TMEM67: variants seen among roughly 807,000 people sequenced by gnomAD.
The protein encoded by TMEM67 is meckelin.
TMEM67 carries 124 observed loss-of-function variants against 136.6 expected under a neutral mutation model. The observed-to-expected ratio is 0.91, with a 90% CI of 0.78 to 1.05. The LOEUF is 1.05. Ranked by LOEUF, TMEM67 falls within the 50% of genes least tolerant of loss-of-function variation. The probability of loss-of-function intolerance (pLI) is 0.00; values close to 1 mark genes in which losing one functional copy is unlikely to be tolerated. For missense variants in TMEM67, 1,107 were observed against 1,178.4 expected (o/e 0.94, Z 0.89); for synonymous variants, 364 against 390.5 (o/e 0.93, Z 0.80).
At position 93,809,104 on chromosome 8, in the gene TMEM67, G is replaced by A. The variant is rs1471491528; in HGVS notation, c.2604G>A (p.Glu868=). 7 of 1,611,708 alleles carry A rather than the reference G, an allele frequency of 4.3e-6. No individual in the cohort carries two copies. The highest frequency in any genetic ancestry group is 5.9e-6 in the Non-Finnish European group (7 of 1,178,414). Residue 868 remains glutamate, a synonymous_variant, in exon 25 of 28, where the codon GAG becomes GAA. Coordinates refer to ENST00000453321, the MANE Select transcript of TMEM67 (RefSeq NM_153704.6). ...RLLSSSASTF[E]QSIKAYHMMN... Reference sequence around the variant, plus strand: ...TGAGTTCATCAGCAAGTACTTTTGAGCAGAGTATAAAAGCATATCATATGA... The same window carrying A: ...TGAGTTCATCAGCAAGTACTTTTGAACAGAGTATAAAAGCATATCATATGA...
At chr8:93,797,836 G>C (rs1814689713) in intron 20 of TMEM67, among the ~76,000 whole-genome samples, 1 of 152,178 alleles carries the variant, frequency 6.6e-6, no homozygotes, top group African/African-American at 2.4e-5. Flanking sequence ...TACAAAATTA[G>C]CTGGGCATGG....
Position 93,816,431 on chromosome 8 carries a change from G to C in TMEM67, c.2967G>C (p.Val989=), listed in dbSNP as rs764991139. ...GQKNLASKTL[V]DQRFLI ...AGAATTTGGCATCCAAAACATTGGT[G>C]GATCAAAGATTTTTGATTTAACTTC... is the stretch of plus-strand genomic sequence containing the variant. The change falls in exon 28 of 28, where the codon GTG becomes GTC. Residue 989 remains valine, a synonymous_variant. Coordinates refer to ENST00000453321, the MANE Select transcript of TMEM67 (RefSeq NM_153704.6). 6.3e-7 allele frequency: 1 copy of C among 1,594,442 alleles called. No homozygotes were observed. The highest frequency in any genetic ancestry group is 8.6e-7 in the Non-Finnish European group (1 of 1,164,226).
intron 6 of TMEM67, among the ~76,000 whole-genome samples, chr8:93,768,605 G>A (rs1813187933): frequency 6.6e-6 from 1 of 151,866 alleles, no homozygotes; most frequent in Admixed American, 6.6e-5. Flanking sequence ...ACAAGACTCT[G>A]TCTCAAAAAA....
At chr8:93,779,348 G>A (rs199918435) in intron 7 of TMEM67, among the ~76,000 whole-genome samples, 20 of 152,068 alleles carry the variant, frequency 1.3e-4, no homozygotes, top group African/African-American at 4.1e-4. Context: ...CTTCTGAAGC[G>A]TACTTCTGTC....
In TMEM67 at chr8:93,816,899, TGAAA is replaced by T. The variant is rs1808928696; in HGVS notation, c.*450_*453del. On this transcript the variant is annotated 3_prime_UTR_variant, in exon 28 of 28. Transcript: ENST00000453321. Reference sequence around the variant, plus strand: ...TGTGTGCTTATGGTTAAATAAATGTTGAAAGATATTTTCAAGTTTACTTAGAAAT... The same window carrying T: ...TGTGTGCTTATGGTTAAATAAATGTTGATATTTTCAAGTTTACTTAGAAAT... 1 of 152,514 alleles carries T rather than the reference TGAAA, an allele frequency of 6.6e-6. No homozygotes were observed. Among genetic ancestry groups the T allele is most frequent in the Non-Finnish European group, 1.5e-5 (1 of 68,230 alleles). 9.4% of individuals were successfully genotyped at this position (152,514 alleles called of 1,614,324 possible). A position where few individuals can be genotyped will look rare whatever the true frequency, so the allele number is the denominator to read the frequency against.
chr8:93,797,031 T>C (rs780417673), intron 18 of TMEM67, 103 bp from the exon 19 acceptor site: 24 of 739,768 alleles, frequency 3.2e-5, no homozygotes, highest in Non-Finnish European at 5.8e-5. Flanking sequence ...TAAAATTATA[T>C]GTTCTTGTGA....
At chr8:93,762,219 G>A (rs1001424993) in intron 3 of TMEM67, among the ~76,000 whole-genome samples, 7 of 151,958 alleles carry the variant, frequency 4.6e-5, no homozygotes, top group African/African-American at 7.3e-5. Context: ...ACGCCACTGT[G>A]CTCCAGCCTG....
At chr8:93,808,621 C>G (rs1439028864) in intron 23 of TMEM67, among the ~76,000 whole-genome samples, 1 of 123,250 alleles carries the variant, frequency 8.1e-6, no homozygotes, top group Non-Finnish European at 1.8e-5. Context: ...ATATAAAGAC[C>G]TGCAAGGGAG....
At chr8:93,761,480 A>G (rs943704791) in intron 3 of TMEM67, among the ~76,000 whole-genome samples, 3 of 152,184 alleles carry the variant, frequency 2.0e-5, no homozygotes, top group Admixed American at 1.3e-4. Flanking sequence ...TCATCTAGAA[A>G]TTTCTCATTT....
intron 3 of TMEM67, among the ~76,000 whole-genome samples, chr8:93,762,363 CA>C (rs1812883408): frequency 7.7e-6 from 1 of 130,620 alleles, no homozygotes; most frequent in African/African-American, 2.9e-5. Flanking sequence ...TACTTTTTAA[CA>C]ATTTTTTTTT....
At chr8:93,767,272 G>C (rs1256840805) in intron 6 of TMEM67, among the ~76,000 whole-genome samples, 1 of 152,200 alleles carries the variant, frequency 6.6e-6, no homozygotes, top group Non-Finnish European at 1.5e-5. Flanking sequence ...ACATCCAGGG[G>C]CACACAGTGT....
intron 7 of TMEM67, among the ~76,000 whole-genome samples, chr8:93,774,405 A>G (rs942059111): frequency 6.6e-6 from 1 of 152,046 alleles, no homozygotes; most frequent in African/African-American, 2.4e-5. Context: ...GTACATGTGC[A>G]CAACATGCAG....
chr8:93,757,499 G>A (rs978429069), intron 2 of TMEM67, among the ~76,000 whole-genome samples: 1 of 151,976 alleles, frequency 6.6e-6, no homozygotes, highest in African/African-American at 2.4e-5. Context: ...AGCTGGACGT[G>A]GTGGCACGTG....
chr8:93,824,535 G>A, the TMEM67 span, among the ~76,000 whole-genome samples: 1 of 152,082 alleles, frequency 6.6e-6, no homozygotes, highest in African/African-American at 2.4e-5. Context: ...TGCAGGAAGA[G>A]CCATCATTTA....
intron 3 of TMEM67, among the ~76,000 whole-genome samples, chr8:93,760,984 G>T (rs897318474): frequency 6.6e-6 from 1 of 152,140 alleles, no homozygotes. Flanking sequence ...AAGCTAAAAT[G>T]AGATTTTATT....
chr8:93,808,464 T>TATCTATTATAGATATTTATCTATTATAG (rs1808521338), intron 23 of TMEM67, among the ~76,000 whole-genome samples: 1 of 60,164 alleles, frequency 1.7e-5, no homozygotes, highest in Non-Finnish European at 3.4e-5. Context: ...AATATATATT[T>TATCTATTATAGATATTTATCTATTATAG]ATCTATTATA....
intron 13 of TMEM67, among the ~76,000 whole-genome samples, chr8:93,786,871 G>A (rs1407435273): frequency 2.6e-5 from 4 of 152,096 alleles, no homozygotes; most frequent in Non-Finnish European, 5.9e-5. Context: ...AATATTTTAT[G>A]ATGTGTACCT....
intron 22 of TMEM67, 72 bp from the exon 23 acceptor site, chr8:93,804,690 T>A: frequency 3.6e-6 from 3 of 838,236 alleles, no homozygotes; most frequent in Non-Finnish European, 6.0e-6. Flanking sequence ...GAAAGCAATT[T>A]TAAGGAAAAC....
chr8:93,819,212 AAATT>A (rs1207947651), downstream of TMEM67: 14 of 438,284 alleles, frequency 3.2e-5, no homozygotes, highest in Admixed American at 2.6e-4. Flanking sequence ...TCTTGCTAAT[AAATT>A]AATAATATGA....
Sources: gnomAD v4.1 joint callset for allele counts (sites outside exome capture counted in the v4.1 genomes callset) on GRCh38, gnomAD v4.1.1 for gene constraint, MANE v1.5 for transcripts, NCBI Gene and HGNC (gene_info 2026-07-23, HGNC 2026-07-21) for gene names.